ABCD3: variants seen among roughly 807,000 people sequenced by gnomAD.
ABCD3 encodes the protein ATP-binding cassette sub-family D member 3.
In ABCD3, 41 loss-of-function variants were observed where a neutral mutation model predicts 105.5. That is an observed-to-expected ratio of 0.39 (90% CI 0.30 to 0.50). The LOEUF (loss-of-function observed/expected upper bound fraction) is 0.50. Among genes scored for constraint, ABCD3 ranks in the 20% least tolerant of loss-of-function variants. The probability of loss-of-function intolerance (pLI) is 0.84; values close to 1 mark genes in which losing one functional copy is unlikely to be tolerated. For missense variants in ABCD3, 622 were observed against 806.3 expected (o/e 0.77, Z 2.77); for synonymous variants, 258 against 269.0 (o/e 0.96, Z 0.40).
intron 1 of ABCD3, among the ~76,000 whole-genome samples, chr1:94,444,577 CT>C (rs1206203927): frequency 6.6e-6 from 1 of 152,104 alleles, no homozygotes; most frequent in Non-Finnish European, 1.5e-5. Context: ...TAGTTGGAGC[CT>C]ACAGATTTTT....
chr1:94,437,471 A>T (rs758051713), intron 1 of ABCD3, among the ~76,000 whole-genome samples: 1 of 152,236 alleles, frequency 6.6e-6, no homozygotes, highest in Non-Finnish European at 1.5e-5. Flanking sequence ...TGTTTACAGC[A>T]TCATTTATTG....
At chr1:94,405,729 T>C in the ABCD3 span, among the ~76,000 whole-genome samples, 1 of 152,218 alleles carries the variant, frequency 6.6e-6, no homozygotes, top group Non-Finnish European at 1.5e-5. Context: ...CTTTTGTATC[T>C]CTTTTTGTAA....
chr1:94,387,759 C>T, the ABCD3 span, among the ~76,000 whole-genome samples: 1 of 152,164 alleles, frequency 6.6e-6, no homozygotes, highest in African/African-American at 2.4e-5. Flanking sequence ...CTGAGTGCGA[C>T]AAGGGTCTCT....
At chr1:94,466,902 TACTTTA>T (rs1648166655) in intron 3 of ABCD3, among the ~76,000 whole-genome samples, 1 of 152,152 alleles carries the variant, frequency 6.6e-6, no homozygotes, top group Non-Finnish European at 1.5e-5. Context: ...CTTCTTCCCT[TACTTTA>T]ACTTCTATGT....
At chr1:94,404,476 T>C in the ABCD3 span, among the ~76,000 whole-genome samples, 1 of 152,184 alleles carries the variant, frequency 6.6e-6, no homozygotes, top group Non-Finnish European at 1.5e-5. Flanking sequence ...TGAAATAAAA[T>C]CAGTTTCATT....
chr1:94,516,986 T>A, intron 22 of ABCD3, 66 bp from the exon 23 acceptor site: 2 of 1,116,194 alleles, frequency 1.8e-6, no homozygotes, highest in South Asian at 2.5e-5. Context: ...GTATTTTACT[T>A]TTCATAAAAG....
At chr1:94,427,336 T>A (rs1340624875) in intron 1 of ABCD3, among the ~76,000 whole-genome samples, 1 of 152,180 alleles carries the variant, frequency 6.6e-6, no homozygotes, top group Non-Finnish European at 1.5e-5. Flanking sequence ...AAATGCTTTG[T>A]AGCATAGTGA....
intron 2 of ABCD3, among the ~76,000 whole-genome samples, chr1:94,459,773 T>C (rs933847483): frequency 2.0e-5 from 3 of 152,174 alleles, no homozygotes; most frequent in African/African-American, 7.2e-5. Context: ...CTTATTACCC[T>C]CTTCCCCCAA....
chr1:94,419,614 G>A (rs1659177459), intron 1 of ABCD3, among the ~76,000 whole-genome samples: 1 of 152,078 alleles, frequency 6.6e-6, no homozygotes, highest in South Asian at 2.1e-4. Context: ...CTCTGAGCAG[G>A]TACTGTTGCC....
intron 8 of ABCD3, chr1:94,480,247 G>C: frequency 3.4e-6 from 2 of 584,974 alleles, no homozygotes; most frequent in Non-Finnish European, 3.0e-6. Flanking sequence ...AGAGCTGAGG[G>C]ATAAGCTACA....
At chr1:94,436,180 C>T (rs1214182108) in intron 1 of ABCD3, among the ~76,000 whole-genome samples, 1 of 152,166 alleles carries the variant, frequency 6.6e-6, no homozygotes, top group Admixed American at 6.5e-5. Flanking sequence ...CTAGGCTTTT[C>T]TTATGGACAG....
At position 94,443,072 on chromosome 1, in the gene ABCD3, T is replaced by G. The variant is rs1660191352; in HGVS notation, c.111-15535T>G. Among the ~76,000 whole-genome samples the G allele has an allele frequency of 2.0e-5, 3 of 152,206 alleles. No individual in the cohort carries two copies. In the South Asian group the frequency reaches 6.2e-4, roughly 31 times the overall value. On this transcript the variant is annotated intron_variant, in intron 1 of 22. Coordinates refer to ENST00000370214, the MANE Select transcript of ABCD3 (RefSeq NM_002858.4). Reference sequence around the variant, plus strand: ...TTTCCATAAAGATGGTAATAATTTATATTCTCACCACAGTGTGTAAGCATT... The same window carrying G: ...TTTCCATAAAGATGGTAATAATTTAGATTCTCACCACAGTGTGTAAGCATT...
At chr1:94,447,395 A>T (rs1234663187) in intron 1 of ABCD3, among the ~76,000 whole-genome samples, 1 of 152,252 alleles carries the variant, frequency 6.6e-6, no homozygotes, top group Non-Finnish European at 1.5e-5. Context: ...TGATTAAAAA[A>T]AATTGGCCTT....
intron 1 of ABCD3, among the ~76,000 whole-genome samples, chr1:94,435,245 AG>A (rs1295066776): frequency 4.6e-5 from 7 of 152,126 alleles, no homozygotes; most frequent in Non-Finnish European, 1.0e-4. Flanking sequence ...ATTCACCATC[AG>A]GAGATATATA....
chr1:94,450,761 G>T (rs1235905156), intron 1 of ABCD3, among the ~76,000 whole-genome samples: 3 of 152,150 alleles, frequency 2.0e-5, no homozygotes, highest in Non-Finnish European at 2.9e-5. Context: ...CGCTGGGTTA[G>T]GGTCTCCACG....
chr1:94,487,632 A>G (rs776900126), intron 11 of ABCD3, 21 bp downstream of exon 11: 3 of 1,613,114 alleles, frequency 1.9e-6, no homozygotes, highest in Non-Finnish European at 1.7e-6. Flanking sequence ...TTTGAAAGAG[A>G]TGAGATTTGT....
intron 1 of ABCD3, among the ~76,000 whole-genome samples, chr1:94,419,903 C>A (rs1570724819): frequency 6.6e-6 from 1 of 152,120 alleles, no homozygotes; most frequent in East Asian, 1.9e-4. Context: ...AAATAAAAAG[C>A]AAGTTTTTCT....
rs1256593637 is a variant in ABCD3 at position 94,475,615 on chromosome 1, G to C, written c.505G>C (p.Ala169Pro). The C allele has an allele frequency of 1.9e-6, 3 of 1,610,992 alleles. No homozygotes were observed. Among genetic ancestry groups the C allele is most frequent in the Non-Finnish European group, 2.5e-6 (3 of 1,177,690 alleles). Residue 169 changes from alanine to proline, a missense_variant and splice_region_variant, in exon 7 of 23, where the codon GCT (alanine) becomes CCT (proline). By Grantham distance (27) the Ala-to-Pro change is conservative. Coordinates refer to ENST00000370214, the MANE Select transcript of ABCD3 (RefSeq NM_002858.4). ...TCACTTTTCTTCTTGCTATTTTAGA[G>C]CTTTCACATATTATAAAATGGGGAA... ...TKYLYEEYLQ[A>P]FTYYKMGNLD... is the part of the protein sequence containing the mutation.
intron 2 of ABCD3, among the ~76,000 whole-genome samples, chr1:94,462,380 G>A (rs551560657): frequency 1.7e-4 from 26 of 152,250 alleles, no homozygotes; most frequent in African/African-American, 6.3e-4. Context: ...TTGGTTTCAG[G>A]TAGAGTTTTG....
Sources: gnomAD v4.1 joint callset for allele counts (sites outside exome capture counted in the v4.1 genomes callset) on GRCh38, gnomAD v4.1.1 for gene constraint, MANE v1.5 for transcripts, NCBI Gene and HGNC (gene_info 2026-07-23, HGNC 2026-07-21) for gene names.